Variants in TBL1X observed in about 807,000 individuals in gnomAD.
The protein encoded by TBL1X is F-box-like/WD repeat-containing protein TBL1X.
TBL1X carries 10 observed loss-of-function variants against 50.7 expected under a neutral mutation model. That is an observed-to-expected ratio of 0.20 (90% CI 0.12 to 0.33). The LOEUF (loss-of-function observed/expected upper bound fraction) is 0.33. Among genes scored for constraint, TBL1X ranks in the 10% least tolerant of loss-of-function variants. TBL1X has a pLI of 1.00. For missense variants in TBL1X, 340 were observed against 504.4 expected (o/e 0.67, Z 3.12); for synonymous variants, 190 against 214.7 (o/e 0.88, Z 1.01).
intron 1 of TBL1X, among the ~76,000 whole-genome samples, chrX:9,469,453 G>A (rs185321400): frequency 3.5e-4 from 39 of 112,353 alleles, no homozygotes; most frequent in African/African-American, 1.2e-3. Flanking sequence ...ATGAGCCATC[G>A]CGCCCGGCTA....
chrX:9,714,051 TC>T (rs2146663687), intron 16 of TBL1X, among the ~76,000 whole-genome samples: 1 of 109,077 alleles, frequency 9.2e-6, no homozygotes, highest in African/African-American at 3.3e-5. Context: ...TTGGGCTCAA[TC>T]CGTCCTCCCG....
intron 2 of TBL1X, among the ~76,000 whole-genome samples, chrX:9,598,811 A>G (rs2082538742): frequency 9.0e-6 from 1 of 111,454 alleles, no homozygotes; most frequent in South Asian, 3.8e-4. Context: ...GGCTGCTGGC[A>G]GTCTTTGGTG....
chrX:9,547,308 G>A (rs1277704696), intron 2 of TBL1X, among the ~76,000 whole-genome samples: 2 of 109,334 alleles, frequency 1.8e-5, no homozygotes, highest in Non-Finnish European at 3.8e-5. Flanking sequence ...AATCTATGTC[G>A]TTTCATTTTT....
chrX:9,533,358 TC>T (rs920679157), intron 2 of TBL1X, among the ~76,000 whole-genome samples: 1 of 111,193 alleles, frequency 9.0e-6, no homozygotes. Context: ...TCTTCCTTCC[TC>T]CCCCTCCCCA....
chrX:9,547,608 C>T (rs2082251278), intron 2 of TBL1X, among the ~76,000 whole-genome samples: 1 of 111,372 alleles, frequency 9.0e-6, no homozygotes, highest in Non-Finnish European at 1.9e-5. Context: ...GCATGAACCA[C>T]TGCGCCTAGC....
At chrX:9,630,964 A>C (rs1036203064) in intron 2 of TBL1X, among the ~76,000 whole-genome samples, 2 of 110,717 alleles carry the variant, frequency 1.8e-5, no homozygotes, top group African/African-American at 6.6e-5. Flanking sequence ...TCAACAACAT[A>C]TAATCAATAT....
At chrX:9,686,566 G>T (rs1211748480) in intron 6 of TBL1X, among the ~76,000 whole-genome samples, 1 of 112,224 alleles carries the variant, frequency 8.9e-6, no homozygotes, top group Non-Finnish European at 1.9e-5. Context: ...AGGTGCAGTG[G>T]CACATGCTCG....
rs148893382 is a variant in TBL1X, at chrX:9,648,184, G to A, written c.-42-5361G>A. On this transcript the variant is annotated intron_variant, in intron 3 of 17. Coordinates refer to ENST00000645353, the MANE Select transcript of TBL1X (RefSeq NM_005647.4). ...CAGGACGTGAGCTACCTTATCTCTAGCCAATAAGCCTATACGGATGGGGAC... is the reference window on the plus strand; with the variant it reads ...CAGGACGTGAGCTACCTTATCTCTAACCAATAAGCCTATACGGATGGGGAC... Among the ~76,000 whole-genome samples the A allele has an allele frequency of 9.5e-3, 1,058 of 111,250 alleles. 23 individuals are homozygous for A. Among genetic ancestry groups the A allele is most frequent in the African/African-American group, 0.033 (999 of 30,560 alleles).
chrX:9,664,909 A>G (rs1014010663), intron 5 of TBL1X, among the ~76,000 whole-genome samples: 5 of 111,073 alleles, frequency 4.5e-5, no homozygotes, highest in Non-Finnish European at 9.4e-5. Flanking sequence ...CCCACTCTCT[A>G]TTACAATGGA....
chrX:9,503,535 A>G (rs1287956727), intron 2 of TBL1X, among the ~76,000 whole-genome samples: 1 of 113,104 alleles, frequency 8.8e-6, no homozygotes. Context: ...CTCCCTGGAC[A>G]GGGGGAAGGG....
chrX:9,713,253 C>G (rs766068889), intron 16 of TBL1X, among the ~76,000 whole-genome samples: 16 of 110,969 alleles, frequency 1.4e-4, no homozygotes, highest in Non-Finnish European at 3.0e-4. Flanking sequence ...GCACTAGTGT[C>G]CAAGAGTCTC....
chrX:9,591,896 G>GC (rs1390013089), intron 2 of TBL1X, among the ~76,000 whole-genome samples: 2 of 112,329 alleles, frequency 1.8e-5, no homozygotes, highest in East Asian at 2.8e-4. Context: ...CTGGCATGGA[G>GC]CATGGGCTCG....
intron 2 of TBL1X, among the ~76,000 whole-genome samples, chrX:9,510,882 C>T (rs926940277): frequency 2.2e-4 from 24 of 111,599 alleles, no homozygotes; most frequent in African/African-American, 2.0e-4. Flanking sequence ...TTGGGCTTGC[C>T]GGCCTCCACA....
intron 2 of TBL1X, among the ~76,000 whole-genome samples, chrX:9,590,362 G>A: frequency 1.1e-5 from 1 of 87,217 alleles, no homozygotes; most frequent in African/African-American, 4.2e-5. Context: ...AAGATTAAAA[G>A]TTTTTTTTTT....
intron 2 of TBL1X, among the ~76,000 whole-genome samples, chrX:9,512,651 C>G (rs1198405808): frequency 9.0e-6 from 1 of 110,732 alleles, no homozygotes; most frequent in Non-Finnish European, 1.9e-5. Context: ...GCATGCGCCA[C>G]CACGCCTGGC....
intron 2 of TBL1X, among the ~76,000 whole-genome samples, chrX:9,518,060 A>G (rs1010193368): frequency 4.7e-5 from 5 of 106,338 alleles, no homozygotes; most frequent in Admixed American, 1.0e-4. Context: ...GTTCATGCCA[A>G]TGCACTCCAG....
At chrX:9,712,942 G>C (rs911513134) in intron 16 of TBL1X, among the ~76,000 whole-genome samples, 8 of 43,933 alleles carry the variant, frequency 1.8e-4, no homozygotes, top group African/African-American at 1.0e-3. Flanking sequence ...CGCCTCAGGA[G>C]GGGAGGAATC....
rs1555958948 is a variant in TBL1X, at chrX:9,492,894, T to TGTGGGTGTGG, written c.-200-8883_-200-8882insGGTGTGGGTG. On this transcript the variant is annotated intron_variant, in intron 1 of 17. Transcript: ENST00000645353. Reference sequence around the variant, plus strand: ...GTGTGTGTGTGTGTGTGTGTGTGTGTGTGTAGGGGAGGAAGGAATGGAAGG... The same window carrying TGTGGGTGTGG: ...GTGTGTGTGTGTGTGTGTGTGTGTGTGTGGGTGTGGGTGTAGGGGAGGAAGGAATGGAAGG... Among the ~76,000 whole-genome samples, 3 of 24,187 alleles carry TGTGGGTGTGG rather than the reference T, an allele frequency of 1.2e-4. No individual in the cohort carries two copies. The East Asian group carries it at 3.9e-3, about 31-fold the overall frequency. 21.0% of individuals were successfully genotyped at this position (24,187 alleles called of 115,157 possible). A position where few individuals can be genotyped will look rare whatever the true frequency, so the allele number is the denominator to read the frequency against.
Position 9,654,993 on chromosome X carries a change from C to T in TBL1X, c.211+671C>T, listed in dbSNP as rs142029367. On this transcript the variant is annotated intron_variant, in intron 5 of 17. Coordinates refer to ENST00000645353, the MANE Select transcript of TBL1X (RefSeq NM_005647.4). ...TATTGGTGAAAAACGTCCTGATACC[C>T]ACCTACCTGTTCAACTTAAACAAAC... 3.5e-3 allele frequency among the ~76,000 whole-genome samples: 389 copies of T among 110,659 alleles called. 1 individual carries two copies. The highest frequency in any genetic ancestry group is 3.7e-3 in the Non-Finnish European group (198 of 52,915).
Sources: allele counts gnomAD v4.1 joint callset (sites outside exome capture counted in the v4.1 genomes callset), GRCh38; gene constraint gnomAD v4.1.1; transcripts MANE v1.5; gene names NCBI Gene and HGNC (gene_info 2026-07-23, HGNC 2026-07-21).